Variants in USP12 observed in about 807,000 individuals in gnomAD.
USP12 encodes ubiquitin specific peptidase 12.
A neutral mutation model predicts 45.5 loss-of-function variants in USP12; 19 were observed. The observed-to-expected ratio is 0.42, with a 90% CI of 0.29 to 0.61. The LOEUF (loss-of-function observed/expected upper bound fraction) is 0.61, where lower values mean the gene tolerates loss of function less well. USP12 is among the 20% of genes least tolerant of loss of function. The pLI, the probability that USP12 is intolerant of heterozygous loss-of-function variation, is 0.22. For missense variants in USP12, 242 were observed against 447.7 expected, an observed-to-expected ratio of 0.54 and a Z score of 4.15; for synonymous variants, 149 against 148.8, an observed-to-expected ratio of 1.00 and a Z score of -0.01.
At chr13:27,148,688 A>ATATG (rs1372493926) in intron 1 of USP12, among the ~76,000 whole-genome samples, 1 of 145,914 alleles carries the variant, frequency 6.9e-6, no homozygotes, top group Non-Finnish European at 1.5e-5. Context: ...ATATATATAT[A>ATATG]TATAATATAA....
intron 7 of USP12, among the ~76,000 whole-genome samples, chr13:27,073,645 G>C (rs1873344665): frequency 6.6e-6 from 1 of 152,188 alleles, no homozygotes; most frequent in South Asian, 2.1e-4. Flanking sequence ...CACTAAATTT[G>C]AAGAGGCTAA....
intron 1 of USP12, among the ~76,000 whole-genome samples, chr13:27,120,257 C>A (rs77430729): frequency 6.6e-6 from 1 of 152,290 alleles, no homozygotes; most frequent in East Asian, 1.9e-4. Context: ...ATAATAGCTC[C>A]ATTCCCACAT....
chr13:27,142,149 C>T (rs111652465), intron 1 of USP12, among the ~76,000 whole-genome samples: 49 of 152,214 alleles, frequency 3.2e-4, no homozygotes, highest in African/African-American at 1.1e-3. Flanking sequence ...CACACACACA[C>T]GCAATGACAG....
chr13:27,084,235 T>G (rs1484925365), intron 6 of USP12, among the ~76,000 whole-genome samples: 8 of 150,308 alleles, frequency 5.3e-5, no homozygotes, highest in Non-Finnish European at 1.2e-4. Context: ...TGTCTGGGTG[T>G]GGTGGCTCAT....
At chr13:27,167,904 G>A (rs1313502395) in intron 1 of USP12, among the ~76,000 whole-genome samples, 6 of 152,116 alleles carry the variant, frequency 3.9e-5, no homozygotes, top group Non-Finnish European at 5.9e-5. Flanking sequence ...CTGGATCCCA[G>A]TGAGACTGAG....
chr13:27,113,976 G>A (rs1317270658), intron 2 of USP12, among the ~76,000 whole-genome samples: 1 of 152,112 alleles, frequency 6.6e-6, no homozygotes, highest in East Asian at 1.9e-4. Context: ...AGCAATTCAG[G>A]TTAAATAGCT....
At chr13:27,117,616 CGT>C in intron 1 of USP12, 114 of 283,834 alleles carry the variant, frequency 4.0e-4, no homozygotes, top group South Asian at 7.0e-4. Context: ...AAAACACCAA[CGT>C]GTGTGTGTGT....
chr13:27,093,149 C>T (rs1392676666), intron 4 of USP12, among the ~76,000 whole-genome samples: 3 of 151,394 alleles, frequency 2.0e-5, no homozygotes, highest in South Asian at 2.1e-4. Context: ...TGAGCCACTG[C>T]GCTCCAGCCT....
intron 4 of USP12, among the ~76,000 whole-genome samples, chr13:27,092,764 T>A (rs1449210712): frequency 3.9e-5 from 6 of 152,204 alleles, no homozygotes; most frequent in Admixed American, 3.9e-4. Context: ...ACTATATAAT[T>A]CCTAGATAAC....
intron 1 of USP12, among the ~76,000 whole-genome samples, chr13:27,148,486 C>T (rs1242305489): frequency 6.6e-6 from 1 of 151,410 alleles, no homozygotes; most frequent in African/African-American, 2.4e-5. Context: ...CCAGCCTGAC[C>T]AACATAGCGA....
chr13:27,118,905 A>T (rs1875863476), intron 1 of USP12, among the ~76,000 whole-genome samples: 1 of 152,220 alleles, frequency 6.6e-6, no homozygotes, highest in South Asian at 2.1e-4. Context: ...TATGTACCAC[A>T]TACTTTCATG....
At chr13:27,159,961 A>G (rs1483317322) in intron 1 of USP12, among the ~76,000 whole-genome samples, 1 of 152,272 alleles carries the variant, frequency 6.6e-6, no homozygotes, top group Non-Finnish European at 1.5e-5. Flanking sequence ...TGTGTAACAG[A>G]AGAGAAGCTT....
intron 1 of USP12, among the ~76,000 whole-genome samples, chr13:27,130,108 G>A (rs1042773237): frequency 1.3e-4 from 20 of 152,126 alleles, no homozygotes; most frequent in Non-Finnish European, 2.8e-4. Flanking sequence ...CCCCAGAGGC[G>A]GGCACAGGAC....
chr13:27,094,126 A>G (rs1874450071), intron 4 of USP12, among the ~76,000 whole-genome samples: 1 of 151,180 alleles, frequency 6.6e-6, no homozygotes, highest in African/African-American at 2.4e-5. Context: ...TGAGATTTTG[A>G]TGAGGAGGGA....
intron 3 of USP12, among the ~76,000 whole-genome samples, chr13:27,098,075 G>A (rs1275280624): frequency 6.6e-6 from 1 of 151,584 alleles, no homozygotes; most frequent in Non-Finnish European, 1.5e-5. Flanking sequence ...CTTTGTGCAG[G>A]GAAGTAAATT....
intron 1 of USP12, among the ~76,000 whole-genome samples, chr13:27,150,112 G>A (rs958065751): frequency 1.3e-5 from 2 of 152,164 alleles, no homozygotes; most frequent in African/African-American, 4.8e-5. Flanking sequence ...CCAACACAAA[G>A]AAATGATAAA....
intron 1 of USP12, among the ~76,000 whole-genome samples, chr13:27,170,976 G>A (rs1355830890): frequency 6.6e-6 from 1 of 152,184 alleles, no homozygotes; most frequent in Admixed American, 6.5e-5. Flanking sequence ...CGCGGGGTCG[G>A]GGACTCGGCC....
chr13:27,106,037 A>G (rs1875119351), intron 2 of USP12, 93 bp from the exon 3 acceptor site: 3 of 1,018,684 alleles, frequency 2.9e-6, no homozygotes, highest in Non-Finnish European at 4.2e-6. Context: ...GAAAGAGATG[A>G]CAATCGGTTA....
At chr13:27,083,142 T>A (rs890538331) in intron 6 of USP12, among the ~76,000 whole-genome samples, 4 of 152,178 alleles carry the variant, frequency 2.6e-5, no homozygotes, top group Non-Finnish European at 5.9e-5. Context: ...GCTAAGTTCA[T>A]CATCTTAAAT....
Sources: allele counts gnomAD v4.1 joint callset (sites outside exome capture counted in the v4.1 genomes callset), GRCh38; gene constraint gnomAD v4.1.1; transcripts MANE v1.5; gene names NCBI Gene and HGNC (gene_info 2026-07-23, HGNC 2026-07-21).